PRKCE: variants seen among roughly 807,000 people sequenced by gnomAD.
PRKCE encodes the protein protein kinase C epsilon, also known as protein kinase C epsilon type.
Under a neutral mutation model 85.4 loss-of-function variants are expected in PRKCE, and 16 were observed. That is an observed-to-expected ratio of 0.19 (90% CI 0.13 to 0.28). The LOEUF (loss-of-function observed/expected upper bound fraction) is 0.28, where lower values mean the gene tolerates loss of function less well. PRKCE is among the 10% of genes least tolerant of loss of function. The probability of loss-of-function intolerance (pLI) is 1.00; values close to 1 mark genes in which losing one functional copy is unlikely to be tolerated. For synonymous variants in PRKCE, 388 were observed against 371.5 expected (o/e 1.04, Z -0.51); for missense variants, 573 against 975.2 (o/e 0.59, Z 5.49).
At chr2:45,846,960 C>A (rs1691841742) in intron 2 of PRKCE, among the ~76,000 whole-genome samples, 1 of 152,210 alleles carries the variant, frequency 6.6e-6, no homozygotes, top group Admixed American at 6.5e-5. Flanking sequence ...AAGCATCTGG[C>A]AGGCTATTCA....
At chr2:45,963,184 C>G (rs1490439734) in intron 2 of PRKCE, among the ~76,000 whole-genome samples, 1 of 152,004 alleles carries the variant, frequency 6.6e-6, no homozygotes, top group African/African-American at 2.4e-5. Context: ...CAGTAGGAAC[C>G]AAAAAACCAG....
At chr2:45,969,470 C>G (rs1701962330) in intron 2 of PRKCE, among the ~76,000 whole-genome samples, 2 of 152,200 alleles carry the variant, frequency 1.3e-5, no homozygotes, top group African/African-American at 4.8e-5. Context: ...CAGCGAGCAT[C>G]TTTTGGAGCG....
rs11406618 is a variant in PRKCE, at chr2:45,661,530, G to GTT, written c.348+9098_348+9099dup. On this transcript the variant is annotated intron_variant, in intron 1 of 14. Transcript: ENST00000306156. ...TGTTTTGTTTTGTTTTTTGTTTTTTGTTTTTTTTTTTTTTTTTAGAAGGAG... is the reference window on the plus strand; with the variant it reads ...TGTTTTGTTTTGTTTTTTGTTTTTTGTTTTTTTTTTTTTTTTTTTAGAAGGAG... 2.8e-3 allele frequency among the ~76,000 whole-genome samples: 294 copies of GTT among 104,834 alleles called. 1 individual carries two copies. The highest frequency in any genetic ancestry group is 9.1e-3 in the African/African-American group (258 of 28,456). 68.8% of individuals were successfully genotyped at this position (104,834 alleles called of 152,430 possible). A position where few individuals can be genotyped will look rare whatever the true frequency, so the allele number is the denominator to read the frequency against.
chr2:46,061,600 T>C (rs1667129800), intron 10 of PRKCE, among the ~76,000 whole-genome samples: 1 of 152,242 alleles, frequency 6.6e-6, no homozygotes, highest in East Asian at 1.9e-4. Context: ...AAGCTCAATA[T>C]ATAAACTTAT....
intron 10 of PRKCE, among the ~76,000 whole-genome samples, chr2:46,048,969 C>G (rs1456918327): frequency 2.0e-5 from 3 of 151,180 alleles, no homozygotes; most frequent in Non-Finnish European, 3.0e-5. Flanking sequence ...GCCAGTAATG[C>G]CTCCATCTGA....
chr2:45,857,403 T>C (rs1275629222), intron 2 of PRKCE, among the ~76,000 whole-genome samples: 1 of 152,252 alleles, frequency 6.6e-6, no homozygotes, highest in African/African-American at 2.4e-5. Context: ...AATGTTCACG[T>C]GATCATCTGG....
chr2:45,995,581 G>A (rs1236688647), intron 6 of PRKCE, among the ~76,000 whole-genome samples: 2 of 152,218 alleles, frequency 1.3e-5, no homozygotes, highest in Admixed American at 6.5e-5. Flanking sequence ...AGTTTTTCTA[G>A]CACCATTTGT....
Position 45,715,337 on chromosome 2 carries a change from C to T in PRKCE, c.348+62889C>T, listed in dbSNP as rs144619966. On this transcript the variant is annotated intron_variant, in intron 1 of 14. Transcript: ENST00000306156. ...CCTTGTGGGAGGAAGCTTCTTGTCT[C>T]CTTCTGTTTTGACCCCTTGACACCC... Among the ~76,000 whole-genome samples the T allele has an allele frequency of 8.1e-3, 1,228 of 152,306 alleles. 11 individuals carry two copies. The highest frequency in any genetic ancestry group is 9.6e-3 in the Non-Finnish European group (653 of 68,020).
In PRKCE at chr2:45,697,997, T is replaced by G. The variant is rs1678294621; in HGVS notation, c.348+45549T>G. The G allele has an allele frequency of 6.6e-6, 1 of 152,668 alleles. No homozygotes were observed. The highest frequency in any genetic ancestry group is 1.5e-5 in the Non-Finnish European group (1 of 68,046). 9.5% of individuals were successfully genotyped at this position (152,668 alleles called of 1,614,324 possible). ...AAGAAAGACAGAGACCAGTTTCCAG[T>G]GAGCTCCTGAGGGTATGTCAACTCC... On this transcript the variant is annotated intron_variant, in intron 1 of 14. Transcript: ENST00000306156. The surrounding 1 kb of genome is among the most constrained non-coding windows in gnomAD (Gnocchi z 4.2).
chr2:45,656,115 T>C (rs1352803702), intron 1 of PRKCE, among the ~76,000 whole-genome samples: 1 of 152,240 alleles, frequency 6.6e-6, no homozygotes, highest in East Asian at 1.9e-4. Flanking sequence ...AAGACTTTTT[T>C]CTGAGTACTG....
At chr2:45,852,442 C>T (rs74915698) in intron 2 of PRKCE, among the ~76,000 whole-genome samples, 5,620 of 152,120 alleles carry the variant, frequency 0.037, 242 homozygotes, top group East Asian at 0.25. Context: ...CTTGATTGAC[C>T]GATTCATTCA....
intron 13 of PRKCE, among the ~76,000 whole-genome samples, chr2:46,158,458 G>A (rs1677432130): frequency 6.6e-6 from 1 of 152,036 alleles, no homozygotes; most frequent in African/African-American, 2.4e-5. Flanking sequence ...GAAAGATGAG[G>A]TGCACTGGTA....
At chr2:45,914,546 C>G (rs552167743) in intron 2 of PRKCE, among the ~76,000 whole-genome samples, 46 of 152,308 alleles carry the variant, frequency 3.0e-4, no homozygotes, top group Non-Finnish European at 4.3e-4. Context: ...GAACCAGTCC[C>G]TACCTCCATG....
At chr2:45,725,069 G>C (rs532476859) in intron 1 of PRKCE, among the ~76,000 whole-genome samples, 1 of 152,300 alleles carries the variant, frequency 6.6e-6, no homozygotes, top group Non-Finnish European at 1.5e-5. Context: ...AGCTTCAAAG[G>C]CCAGCCTGTC....
chr2:45,783,917 C>G (rs945966781), intron 1 of PRKCE, among the ~76,000 whole-genome samples: 3 of 152,186 alleles, frequency 2.0e-5, no homozygotes, highest in Non-Finnish European at 4.4e-5. Context: ...ACTGCTGCAG[C>G]CTCCATTCAT....
At chr2:45,721,144 C>T (rs1359567189) in intron 1 of PRKCE, among the ~76,000 whole-genome samples, 1 of 152,018 alleles carries the variant, frequency 6.6e-6, no homozygotes, top group Non-Finnish European at 1.5e-5. Flanking sequence ...GAGCTAGGTG[C>T]TGTCGGAAGA....
chr2:45,818,340 C>A (rs1689252286), intron 1 of PRKCE, among the ~76,000 whole-genome samples: 1 of 152,130 alleles, frequency 6.6e-6, no homozygotes. Flanking sequence ...CTGGCTGCCC[C>A]ACACCCCTCT....
At chr2:45,980,212 A>C in intron 4 of PRKCE, 84 bp from the exon 5 acceptor site, 1 of 1,334,636 alleles carries the variant, frequency 7.5e-7, no homozygotes, top group Non-Finnish European at 1.0e-6. Context: ...TCCCCTTGTC[A>C]CTCCACCAAG....
intron 2 of PRKCE, among the ~76,000 whole-genome samples, chr2:45,963,223 G>A (rs185386441): frequency 3.9e-5 from 6 of 152,270 alleles, no homozygotes; most frequent in African/African-American, 1.4e-4. Flanking sequence ...TGTAAAATGA[G>A]TCCCTCTGCT....
Sources: gnomAD v4.1 joint callset for allele counts (sites outside exome capture counted in the v4.1 genomes callset) on GRCh38, gnomAD v4.1.1 for gene constraint, Gnocchi (gnomAD v3.1) non-coding constraint, MANE v1.5 for transcripts, NCBI Gene and HGNC (gene_info 2026-07-23, HGNC 2026-07-21) for gene names.